NDST4: variants seen among roughly 807,000 people sequenced by gnomAD.
NDST4 encodes the protein N-heparan sulfate sulfotransferase 4.
NDST4 carries 63 observed loss-of-function variants against 100.8 expected under a neutral mutation model. The ratio of observed to expected loss-of-function variants is 0.62; its 90% confidence interval spans 0.51 to 0.77. The LOEUF is 0.77. Among genes scored for constraint, NDST4 ranks in the 30% least tolerant of loss-of-function variants. The pLI is 0.00. For synonymous variants in NDST4, 377 were observed against 361.8 expected, an observed-to-expected ratio of 1.04 and a Z score of -0.48; for missense variants, 943 against 1,018.4, an observed-to-expected ratio of 0.93 and a Z score of 1.01.
intron 4 of NDST4, among the ~76,000 whole-genome samples, chr4:114,945,570 A>G (rs565407291): frequency 6.6e-6 from 1 of 152,230 alleles, no homozygotes; most frequent in South Asian, 2.1e-4. Flanking sequence ...GTGTGAAGAG[A>G]AAACAATAAA....
intron 2 of NDST4, among the ~76,000 whole-genome samples, chr4:115,062,109 G>T (rs906393548): frequency 6.6e-6 from 1 of 151,840 alleles, no homozygotes; most frequent in Non-Finnish European, 1.5e-5. Context: ...GAACAATCAG[G>T]AGAGAAAACA....
chr4:115,019,757 C>T (rs1315160752), intron 2 of NDST4, among the ~76,000 whole-genome samples: 1 of 152,082 alleles, frequency 6.6e-6, no homozygotes, highest in Non-Finnish European at 1.5e-5. Flanking sequence ...AAGGGCTCTG[C>T]CCTCAACAAA....
At chr4:115,048,729 C>T (rs1190660398) in intron 2 of NDST4, among the ~76,000 whole-genome samples, 30 of 152,030 alleles carry the variant, frequency 2.0e-4, no homozygotes, top group Admixed American at 2.0e-3. Flanking sequence ...CCTCCGCCTC[C>T]GTGGTTCAAG....
intron 2 of NDST4, among the ~76,000 whole-genome samples, chr4:115,075,823 C>G (rs1026813787): frequency 4.9e-5 from 7 of 141,910 alleles, no homozygotes; most frequent in Admixed American, 2.1e-4. Flanking sequence ...ATTAAGTTCA[C>G]TAACTCTTTG....
At chr4:114,957,862 A>G (rs1443567145) in intron 4 of NDST4, among the ~76,000 whole-genome samples, 3 of 152,192 alleles carry the variant, frequency 2.0e-5, no homozygotes, top group South Asian at 2.1e-4. Flanking sequence ...CTTTGATGCC[A>G]TGTCTCACAT....
chr4:115,095,729 T>A (rs113146527), intron 1 of NDST4, among the ~76,000 whole-genome samples: 79 of 152,236 alleles, frequency 5.2e-4, no homozygotes, highest in African/African-American at 1.8e-3. Context: ...AAGATATCCA[T>A]ATGGATGATC....
At chr4:114,996,532 A>G (rs1052785692) in intron 2 of NDST4, among the ~76,000 whole-genome samples, 3 of 152,098 alleles carry the variant, frequency 2.0e-5, no homozygotes, top group African/African-American at 7.2e-5. Flanking sequence ...AACACCTTTA[A>G]GTAATAGAAA....
intron 4 of NDST4, among the ~76,000 whole-genome samples, chr4:114,966,322 A>G (rs948860690): frequency 5.9e-5 from 9 of 152,042 alleles, no homozygotes; most frequent in Non-Finnish European, 1.0e-4. Context: ...AGCAATAACA[A>G]TAACAATGTT....
rs569561562 is a variant in NDST4 at position 114,852,073 on chromosome 4, G to A, written c.1816+652C>T. Among the ~76,000 whole-genome samples the A allele has an allele frequency of 2.1e-3, 322 of 152,212 alleles. 1 individual carries two copies. Among genetic ancestry groups the A allele is most frequent in the African/African-American group, 7.3e-3 (302 of 41,564 alleles). On this transcript the variant is annotated intron_variant, in intron 8 of 13. Coordinates refer to ENST00000264363, the MANE Select transcript of NDST4 (RefSeq NM_022569.3). ...ATAAAACTGTCACATACTGAAGAAA[G>A]TATAAAATATTCTAATTGAAAGTGT...
chr4:115,026,174 A>G (rs1263032973), intron 2 of NDST4, among the ~76,000 whole-genome samples: 2 of 152,102 alleles, frequency 1.3e-5, no homozygotes, highest in East Asian at 1.9e-4. Context: ...TCTATAGTAT[A>G]AGAAACATGT....
intron 6 of NDST4, among the ~76,000 whole-genome samples, chr4:114,922,111 GTC>G (rs2126219420): frequency 6.6e-6 from 1 of 152,242 alleles, no homozygotes; most frequent in East Asian, 1.9e-4. Flanking sequence ...GTTGTTAACT[GTC>G]TCTCTAAAAT....
intron 6 of NDST4, among the ~76,000 whole-genome samples, chr4:114,933,419 A>AT (rs1353192780): frequency 9.5e-6 from 1 of 104,962 alleles, no homozygotes; most frequent in Non-Finnish European, 1.9e-5. Flanking sequence ...CTGGGAATTG[A>AT]TTTTTTCTTT....
chr4:114,953,777 A>G (rs1726076393), intron 4 of NDST4, among the ~76,000 whole-genome samples: 1 of 152,206 alleles, frequency 6.6e-6, no homozygotes, highest in Non-Finnish European at 1.5e-5. Flanking sequence ...AATATTCTAT[A>G]CTGAATAATA....
intron 4 of NDST4, among the ~76,000 whole-genome samples, chr4:114,937,899 G>A (rs995940452): frequency 6.6e-6 from 1 of 151,916 alleles, no homozygotes; most frequent in East Asian, 1.9e-4. Flanking sequence ...GGCGGGGGGC[G>A]GGTATTGAAG....
chr4:115,014,017 C>A (rs752657528), intron 2 of NDST4, among the ~76,000 whole-genome samples: 6 of 152,070 alleles, frequency 3.9e-5, no homozygotes, highest in Non-Finnish European at 5.9e-5. Flanking sequence ...CCTAAGCCTA[C>A]ACAGGTGGTG....
Position 114,845,873 on chromosome 4 carries a change from T to A in NDST4, c.2065A>T (p.Ile689Phe), listed in dbSNP as rs777081214. ...GAGGGGTCAATGAGGATGGTGATGATCTTGGCTTTGGGGACAAGAGATGCG... is the reference window on the plus strand; with the variant it reads ...GAGGGGTCAATGAGGATGGTGATGAACTTGGCTTTGGGGACAAGAGATGCG... ...RAASLVPKAK[I>F]ITILIDPSDR... Residue 689 changes from isoleucine (I) to phenylalanine (F), a missense_variant, in exon 10 of 14, where the codon ATC becomes TTC. Physicochemically the swap from Ile to Phe is conservative, Grantham distance 21. Around this residue, in one of 2 missense-constraint regions of NDST4, gnomAD observed 526 missense variants for 634.1 expected, o/e 0.83. Coordinates refer to ENST00000264363, the MANE Select transcript of NDST4 (RefSeq NM_022569.3). 2 of 1,614,034 alleles carry A rather than the reference T, an allele frequency of 1.2e-6. No individual in the cohort carries two copies. Among genetic ancestry groups the A allele is most frequent in the African/African-American group, 1.3e-5 (1 of 74,914 alleles).
chr4:114,941,409 A>G (rs1725747302), intron 4 of NDST4, among the ~76,000 whole-genome samples: 1 of 151,904 alleles, frequency 6.6e-6, no homozygotes, highest in Non-Finnish European at 1.5e-5. Flanking sequence ...CATGTTTCTG[A>G]ACTGGATCTC....
At chr4:114,912,585 AC>A (rs1375376839) in intron 6 of NDST4, among the ~76,000 whole-genome samples, 2 of 152,096 alleles carry the variant, frequency 1.3e-5, no homozygotes, top group Non-Finnish European at 2.9e-5. Flanking sequence ...GTAGAATTAA[AC>A]CTTCAAAGAA....
At chr4:114,856,999 T>G (rs147704901) in intron 7 of NDST4, among the ~76,000 whole-genome samples, 8 of 152,156 alleles carry the variant, frequency 5.3e-5, no homozygotes, top group African/African-American at 1.9e-4. Flanking sequence ...GCTTCAAGTT[T>G]AGGATGGGGC....
Sources: allele counts gnomAD v4.1 joint callset (sites outside exome capture counted in the v4.1 genomes callset), GRCh38; gene constraint gnomAD v4.1.1; regional missense constraint gnomAD v4.1.1; transcripts MANE v1.5; gene names NCBI Gene and HGNC (gene_info 2026-07-23, HGNC 2026-07-21).